ARSG: variants seen among roughly 807,000 people sequenced by gnomAD.
The protein encoded by ARSG is ASG.
In ARSG, 37 loss-of-function variants were observed where a neutral mutation model predicts 50.5. That is an observed-to-expected ratio of 0.73 (90% CI 0.56 to 0.96). The LOEUF (loss-of-function observed/expected upper bound fraction) is 0.96. Ranked by LOEUF, ARSG falls within the 50% of genes least tolerant of loss-of-function variation. The pLI is 0.00. For missense variants in ARSG, 629 were observed against 675.3 expected, an observed-to-expected ratio of 0.93 and a Z score of 0.76; for synonymous variants, 225 against 254.6, an observed-to-expected ratio of 0.88 and a Z score of 1.11.
chr17:68,279,278 G>A (rs940673124), intron 1 of ARSG, among the ~76,000 whole-genome samples: 7 of 151,816 alleles, frequency 4.6e-5, no homozygotes, highest in African/African-American at 1.5e-4. Context: ...TACCATAAGC[G>A]TCTCTGCTTG....
chr17:68,300,661 T>G (rs933945208), intron 1 of ARSG, among the ~76,000 whole-genome samples: 3 of 152,160 alleles, frequency 2.0e-5, no homozygotes, highest in Admixed American at 1.3e-4. Flanking sequence ...TTTAGATGCA[T>G]GGCGTGATGC....
intron 2 of ARSG, among the ~76,000 whole-genome samples, chr17:68,341,848 CTT>C (rs202168819): frequency 0.012 from 1,826 of 152,186 alleles, 23 homozygotes; most frequent in Non-Finnish European, 0.013. Context: ...GATACAGACT[CTT>C]GCTCTGTCGT....
intron 1 of ARSG, among the ~76,000 whole-genome samples, chr17:68,286,153 A>G (rs1433313288): frequency 6.6e-6 from 1 of 152,134 alleles, no homozygotes; most frequent in Non-Finnish European, 1.5e-5. Flanking sequence ...TTTTTGTATG[A>G]GCTGAGATTA....
chr17:68,324,357 AG>A (rs1479040803), intron 2 of ARSG, among the ~76,000 whole-genome samples: 9 of 152,092 alleles, frequency 5.9e-5, no homozygotes, highest in Admixed American at 2.0e-4. Context: ...GATGTGAGTC[AG>A]GCTCTCGGGG....
chr17:68,370,657 T>G, intron 8 of ARSG, 133 bp downstream of exon 8: 1 of 768,532 alleles, frequency 1.3e-6, no homozygotes, highest in East Asian at 2.8e-5. Flanking sequence ...AGGGACACAT[T>G]TGCTCACCAG....
At chr17:68,318,236 C>G (rs1304444125) in intron 2 of ARSG, among the ~76,000 whole-genome samples, 9 of 152,208 alleles carry the variant, frequency 5.9e-5, no homozygotes, top group African/African-American at 2.2e-4. Context: ...TCCAGCTCTT[C>G]ATGCAGTCTG....
chr17:68,363,189 A>G (rs2079378914), intron 6 of ARSG, among the ~76,000 whole-genome samples: 1 of 152,166 alleles, frequency 6.6e-6, no homozygotes. Flanking sequence ...CCTGGGAGCA[A>G]AGGAGGAGGA....
At chr17:68,287,317 T>G (rs1399893754), upstream of ARSG, among the ~76,000 whole-genome samples, 2 of 151,474 alleles carry the variant, frequency 1.3e-5, no homozygotes, top group African/African-American at 4.9e-5. Flanking sequence ...ATGCCCAGCC[T>G]TCTTCTTCTT....
intron 4 of ARSG, among the ~76,000 whole-genome samples, chr17:68,348,293 G>T (rs537341114): frequency 6.6e-6 from 1 of 152,146 alleles, no homozygotes; most frequent in Admixed American, 6.5e-5. Context: ...GACAGTTGAG[G>T]GGTTGGACCA....
rs368930688 is a variant in ARSG at position 68,412,216 on chromosome 17, C to T, written c.1304-7973C>T. Among the ~76,000 whole-genome samples the T allele has an allele frequency of 4.3e-4, 66 of 152,240 alleles. 1 individual carries two copies. In the East Asian group the frequency reaches 6.0e-3, roughly 14 times the overall value. On this transcript the variant is annotated intron_variant, in intron 11 of 11. Coordinates refer to ENST00000621439, the MANE Select transcript of ARSG (RefSeq NM_001267727.2). ...AGTTGATGCAGTTTCTTCCTAGTCT[C>T]GATGGCCTTTACATTTTGGCATGAT...
chr17:68,341,595 G>C (rs935685350), intron 2 of ARSG, among the ~76,000 whole-genome samples: 1 of 152,134 alleles, frequency 6.6e-6, no homozygotes, highest in African/African-American at 2.4e-5. Context: ...CTCAATCCTA[G>C]AGCATTCTTT....
At chr17:68,360,903 C>G (rs2079252009) in intron 6 of ARSG, among the ~76,000 whole-genome samples, 1 of 152,196 alleles carries the variant, frequency 6.6e-6, no homozygotes, top group Non-Finnish European at 1.5e-5. Context: ...TGGCGCACTG[C>G]AACCTCTGCC....
At chr17:68,269,778 A>C (rs2075276865) in intron 1 of ARSG, among the ~76,000 whole-genome samples, 1 of 145,056 alleles carries the variant, frequency 6.9e-6, no homozygotes, top group African/African-American at 2.6e-5. Flanking sequence ...GGTTCAAGCG[A>C]TTCTCCTGCC....
chr17:68,378,883 G>T lies in ARSG; in HGVS notation c.983-6181G>T, dbSNP rs55946942. On this transcript the variant is annotated intron_variant, in intron 8 of 11. Transcript: ENST00000621439. The surrounding 1 kb of genome is among the most constrained non-coding windows in gnomAD (Gnocchi z 4.4). ...ATCAGGTTGTTGCATAACCTTTCCC[G>T]CTGGGAAGCAGTCTCTGCATCCTGG... Among the ~76,000 whole-genome samples the T allele has an allele frequency of 5.4e-4, 79 of 145,002 alleles. No homozygotes were observed. Among genetic ancestry groups the T allele is most frequent in the Non-Finnish European group, 9.3e-4 (61 of 65,472 alleles).
At chr17:68,363,607 A>G (rs1205817177) in intron 6 of ARSG, among the ~76,000 whole-genome samples, 3 of 152,110 alleles carry the variant, frequency 2.0e-5, no homozygotes, top group Admixed American at 6.6e-5. Context: ...AGCTGGGATT[A>G]CAGGCATGCA....
intron 2 of ARSG, among the ~76,000 whole-genome samples, chr17:68,325,545 G>C (rs1312422643): frequency 6.6e-6 from 1 of 152,156 alleles, no homozygotes; most frequent in African/African-American, 2.4e-5. Flanking sequence ...CTGGTACCAG[G>C]AAGGTGGGGG....
chr17:68,335,209 G>A (rs1164435700), intron 2 of ARSG, among the ~76,000 whole-genome samples: 2 of 151,988 alleles, frequency 1.3e-5, no homozygotes, highest in African/African-American at 4.8e-5. Context: ...TATTGCCCAG[G>A]CTGGGTCTCG....
At chr17:68,259,368 A>G (rs1482784121) in exon 1 of ARSG, 9 of 152,208 alleles carry the variant, frequency 5.9e-5, no homozygotes, top group Non-Finnish European at 1.2e-4. Context: ...TGTGAGAGCC[A>G]CGTGTGCCGC....
At chr17:68,272,896 T>TCTGG (rs2075386530) in intron 1 of ARSG, 2 of 1,140,602 alleles carry the variant, frequency 1.8e-6, no homozygotes. Context: ...AGTAATTCAT[T>TCTGG]CTGGACAAAG....
Sources: gnomAD v4.1 joint callset for allele counts (sites outside exome capture counted in the v4.1 genomes callset) on GRCh38, gnomAD v4.1.1 for gene constraint, Gnocchi (gnomAD v3.1) non-coding constraint, MANE v1.5 for transcripts, NCBI Gene and HGNC (gene_info 2026-07-23, HGNC 2026-07-21) for gene names.